Variants in CDH4 observed in about 807,000 individuals in gnomAD.
The protein encoded by CDH4 is cadherin 4, also known as cadherin-4.
A neutral mutation model predicts 86.0 loss-of-function variants in CDH4; 33 were observed. The ratio of observed to expected loss-of-function variants is 0.38; its 90% CI spans 0.29 to 0.51. The LOEUF (loss-of-function observed/expected upper bound fraction) is 0.51, where lower values mean the gene tolerates loss of function less well. Among genes scored for constraint, CDH4 ranks in the 20% least tolerant of loss-of-function variants. The pLI is 0.86. For synonymous variants in CDH4, 555 were observed against 549.4 expected (o/e 1.01, Z -0.14); for missense variants, 1,114 against 1,307.4 (o/e 0.85, Z 2.28).
At chr20:61,634,317 C>A (rs2145792541) in intron 2 of CDH4, among the ~76,000 whole-genome samples, 1 of 152,292 alleles carries the variant, frequency 6.6e-6, no homozygotes. Flanking sequence ...CCTTCCGAGC[C>A]CCCAGAAGGA....
chr20:61,917,645 T>C (rs6142883), intron 9 of CDH4, among the ~76,000 whole-genome samples: 8,203 of 152,276 alleles, frequency 0.054, 761 homozygotes, highest in East Asian at 0.43. Flanking sequence ...CCCCACCTGG[T>C]CCTGCCCACT....
chr20:61,647,525 T>TCTCTCTCTCTCTCTCTC lies in CDH4; in HGVS notation c.170-96038_170-96037insCTCTCTCTCTCTCTCTC, dbSNP rs1444445171. 1.4e-3 allele frequency among the ~76,000 whole-genome samples: 95 copies of TCTCTCTCTCTCTCTCTC among 69,850 alleles called. 15 individuals are homozygous for TCTCTCTCTCTCTCTCTC. Among genetic ancestry groups the TCTCTCTCTCTCTCTCTC allele is most frequent in the African/African-American group, 4.1e-3 (78 of 19,040 alleles). The allele number at this position is 69,850 out of a possible 152,430, so 45.8% of individuals were successfully genotyped here. On this transcript the variant is annotated intron_variant, in intron 2 of 15. Coordinates refer to ENST00000614565, the MANE Select transcript of CDH4 (RefSeq NM_001794.5). ...AAACACATCAGTATGCACACACATA[T>TCTCTCTCTCTCTCTCTC]TCTCTCTCCCTCTCCCTCTCCCTCT...
At chr20:61,278,674 A>G (rs550555230) in intron 2 of CDH4, among the ~76,000 whole-genome samples, 11 of 152,354 alleles carry the variant, frequency 7.2e-5, no homozygotes, top group Admixed American at 5.9e-4. Flanking sequence ...AATAGAGGCC[A>G]TTTGGCAGGG....
At chr20:61,618,785 C>T (rs2086746172) in intron 2 of CDH4, among the ~76,000 whole-genome samples, 1 of 152,186 alleles carries the variant, frequency 6.6e-6, no homozygotes, top group Non-Finnish European at 1.5e-5. Context: ...TCTTTATTGC[C>T]TGAGGACTGA....
At chr20:61,859,783 G>T (rs1314383850) in intron 6 of CDH4, among the ~76,000 whole-genome samples, 1 of 152,250 alleles carries the variant, frequency 6.6e-6, no homozygotes, top group Non-Finnish European at 1.5e-5. Context: ...GTAGCCTCAC[G>T]GCCAGCTTCG....
chr20:61,277,218 T>A (rs147650640), intron 2 of CDH4, among the ~76,000 whole-genome samples: 1 of 152,336 alleles, frequency 6.6e-6, no homozygotes, highest in Non-Finnish European at 1.5e-5. Context: ...CACTGAGCCC[T>A]CTTTTGCGTC....
chr20:61,737,966 A>G (rs1255831205), intron 2 of CDH4, among the ~76,000 whole-genome samples: 1 of 152,234 alleles, frequency 6.6e-6, no homozygotes, highest in Admixed American at 6.5e-5. Flanking sequence ...TGCTGGGCAC[A>G]TGCATACCTG....
At chr20:61,479,376 G>A (rs370614444) in intron 2 of CDH4, among the ~76,000 whole-genome samples, 4 of 133,638 alleles carry the variant, frequency 3.0e-5, no homozygotes, top group African/African-American at 5.6e-5. Context: ...AACAGGCCCC[G>A]GTGTGTGATA....
chr20:61,783,294 C>T (rs940999827), intron 4 of CDH4, among the ~76,000 whole-genome samples: 17 of 152,242 alleles, frequency 1.1e-4, no homozygotes, highest in Non-Finnish European at 2.4e-4. Flanking sequence ...ATGGTTTAAA[C>T]TGTAAATTCT....
intron 6 of CDH4, among the ~76,000 whole-genome samples, chr20:61,862,317 C>T (rs1015114580): frequency 1.3e-5 from 2 of 152,194 alleles, no homozygotes; most frequent in African/African-American, 4.8e-5. Flanking sequence ...CTCAGCCTGA[C>T]CCCGGGGGCA....
rs2088538643 is a variant in CDH4, at chr20:61,754,702, GCCACACACA to G, written c.396+10916_396+10924del. ...TATGCACACCACACACACAGTGCAT[GCCACACACA>G]CCGCACACACACTGCACGCCCCGCA... On this transcript the variant is annotated intron_variant, in intron 3 of 15. Coordinates refer to ENST00000614565, the MANE Select transcript of CDH4 (RefSeq NM_001794.5). The surrounding 1 kb of genome is among the most constrained non-coding windows in gnomAD (Gnocchi z 4.7). Among the ~76,000 whole-genome samples the G allele has an allele frequency of 7.0e-6, 1 of 142,012 alleles. No homozygotes were observed. Among genetic ancestry groups the G allele is most frequent in the Non-Finnish European group, 1.5e-5 (1 of 65,944 alleles). The allele number at this position is 142,012 out of a possible 152,430, so 93.2% of individuals were successfully genotyped here.
At chr20:61,371,849 C>T (rs891819455) in intron 2 of CDH4, among the ~76,000 whole-genome samples, 4 of 152,230 alleles carry the variant, frequency 2.6e-5, no homozygotes, top group Non-Finnish European at 5.9e-5. Context: ...TCTTTTCCTG[C>T]GGTGATGTAA....
chr20:61,268,856 T>G (rs2084169752), intron 2 of CDH4, among the ~76,000 whole-genome samples: 1 of 152,210 alleles, frequency 6.6e-6, no homozygotes, highest in Non-Finnish European at 1.5e-5. Flanking sequence ...AAACCTCTTT[T>G]CTGTGTCACT....
intron 2 of CDH4, among the ~76,000 whole-genome samples, chr20:61,314,793 T>A (rs577831845): frequency 6.6e-6 from 1 of 152,336 alleles, no homozygotes; most frequent in East Asian, 1.9e-4. Flanking sequence ...CCGAGGCTTG[T>A]TATCCTCGTC....
intron 2 of CDH4, among the ~76,000 whole-genome samples, chr20:61,543,091 G>A (rs972675549): frequency 6.6e-6 from 1 of 152,206 alleles, no homozygotes. Flanking sequence ...GTCCTTCCAC[G>A]TTCCTCTGCC....
chr20:61,506,955 TG>T (rs1194196476), intron 2 of CDH4, among the ~76,000 whole-genome samples: 6 of 152,246 alleles, frequency 3.9e-5, no homozygotes, highest in African/African-American at 9.6e-5. Flanking sequence ...AGGCTGTGGA[TG>T]CCCCAGGCTG....
chr20:61,934,244 G>T, intron 15 of CDH4, 24 bp downstream of exon 15: 2 of 1,512,124 alleles, frequency 1.3e-6, no homozygotes, highest in African/African-American at 2.8e-5. Context: ...GGCAGTGGGG[G>T]GCCCGGGCAA....
chr20:61,835,876 G>C (rs1349091538), intron 4 of CDH4, among the ~76,000 whole-genome samples: 3 of 152,182 alleles, frequency 2.0e-5, no homozygotes, highest in Non-Finnish European at 4.4e-5. Context: ...TGTGTTAAGG[G>C]CTCCCCAGAC....
At chr20:61,459,672 C>A (rs574072200) in intron 2 of CDH4, among the ~76,000 whole-genome samples, 2 of 151,360 alleles carry the variant, frequency 1.3e-5, no homozygotes, top group Non-Finnish European at 2.9e-5. Context: ...GGTCCAGGGA[C>A]CCTGTCTTCA....
Sources: gnomAD v4.1 joint callset for allele counts (sites outside exome capture counted in the v4.1 genomes callset) on GRCh38, gnomAD v4.1.1 for gene constraint, Gnocchi (gnomAD v3.1) non-coding constraint, MANE v1.5 for transcripts, NCBI Gene and HGNC (gene_info 2026-07-23, HGNC 2026-07-21) for gene names.